KDM2B: variants seen among roughly 807,000 people sequenced by gnomAD.
KDM2B encodes the protein lysine demethylase 2B.
Under a neutral mutation model 150.0 loss-of-function variants are expected in KDM2B, and 26 were observed. The ratio of observed to expected loss-of-function variants is 0.17; its 90% confidence interval spans 0.13 to 0.24. The LOEUF (loss-of-function observed/expected upper bound fraction) is 0.24. Among genes scored for constraint, KDM2B ranks in the 10% least tolerant of loss-of-function variants. KDM2B has a pLI of 1.00. For synonymous variants in KDM2B, 734 were observed against 729.5 expected (o/e 1.01, Z -0.10); for missense variants, 1,265 against 1,816.9 (o/e 0.70, Z 5.52).
At chr12:121,498,624 C>A (rs537457745) in intron 11 of KDM2B, among the ~76,000 whole-genome samples, 1 of 152,170 alleles carries the variant, frequency 6.6e-6, no homozygotes, top group East Asian at 1.9e-4. Flanking sequence ...GAAAGTAATG[C>A]CCACCCCCCT....
chr12:121,493,327 T>G (rs1464820333), intron 12 of KDM2B, among the ~76,000 whole-genome samples: 1 of 152,034 alleles, frequency 6.6e-6, no homozygotes, highest in Admixed American at 6.6e-5. Flanking sequence ...GGTCAGCCCT[T>G]GTCTGAAGGG....
intron 13 of KDM2B, among the ~76,000 whole-genome samples, chr12:121,450,728 C>T (rs1479415567): frequency 1.3e-5 from 2 of 151,992 alleles, no homozygotes; most frequent in Non-Finnish European, 2.9e-5. Flanking sequence ...GGCGTGGTGG[C>T]GGGCACTGGT....
chr12:121,444,580 A>G, intron 14 of KDM2B, 44 bp from the exon 15 acceptor site: 1 of 1,544,374 alleles, frequency 6.5e-7, no homozygotes, highest in Non-Finnish European at 8.9e-7. Flanking sequence ...GGCGGAGAAG[A>G]TGGCCCACGG....
In KDM2B at chr12:121,516,734, T is replaced by C. The variant is rs147813492; in HGVS notation, c.1048-3332A>G. 7.6e-3 allele frequency: 4,868 copies of C among 642,500 alleles called. 43 individuals are homozygous for C. Among genetic ancestry groups the C allele is most frequent in the South Asian group, 0.014 (796 of 56,900 alleles). The allele number at this position is 642,500 out of a possible 1,614,324, so 39.8% of individuals were successfully genotyped here. On this transcript the variant is annotated intron_variant, in intron 9 of 22. Transcript: ENST00000377071. Reference sequence around the variant, plus strand: ...CCCTTCCTCGGAGGTCCAAGTCATCTTCAAGCTGAGTGACCTCAGGAGATG... The same window carrying C: ...CCCTTCCTCGGAGGTCCAAGTCATCCTCAAGCTGAGTGACCTCAGGAGATG...
chr12:121,410,051 G>A, the KDM2B span, among the ~76,000 whole-genome samples: 1 of 152,040 alleles, frequency 6.6e-6, no homozygotes, highest in Non-Finnish European at 1.5e-5. Context: ...GCTACTAGGA[G>A]GCTGAGGCAG....
intron 1 of KDM2B, chr12:121,579,739 A>C: frequency 1.5e-6 from 2 of 1,319,254 alleles, no homozygotes; most frequent in East Asian, 4.0e-5. Flanking sequence ...AGCCCCCCAG[A>C]TTCCGGGCGA....
chr12:121,462,434 A>C (rs1879237701), intron 12 of KDM2B, among the ~76,000 whole-genome samples: 1 of 152,232 alleles, frequency 6.6e-6, no homozygotes, highest in African/African-American at 2.4e-5. Context: ...TATAGGCACA[A>C]AGTAACAAAA....
intron 12 of KDM2B, among the ~76,000 whole-genome samples, chr12:121,477,931 G>A (rs1218295592): frequency 2.0e-5 from 3 of 151,018 alleles, no homozygotes; most frequent in African/African-American, 2.4e-5. Flanking sequence ...TTATGGAGAC[G>A]GGGATCTCAT....
chr12:121,500,967 G>A (rs117249900), intron 11 of KDM2B, among the ~76,000 whole-genome samples: 3,705 of 152,262 alleles, frequency 0.024, 71 homozygotes, highest in Non-Finnish European at 0.039. Flanking sequence ...CAGGCATGGC[G>A]GCACATGCCC....
intron 12 of KDM2B, among the ~76,000 whole-genome samples, chr12:121,477,583 T>A (rs1177618897): frequency 6.7e-6 from 1 of 149,770 alleles, no homozygotes; most frequent in Admixed American, 6.6e-5. Context: ...TCTTTCCTTT[T>A]TTTTTTTTTT....
At chr12:121,428,226 C>G (rs1461103662), downstream of KDM2B, among the ~76,000 whole-genome samples, 1 of 151,746 alleles carries the variant, frequency 6.6e-6, no homozygotes, top group Admixed American at 6.6e-5. Flanking sequence ...AATGCGGTCT[C>G]GCGGTCGCCA....
the KDM2B span, among the ~76,000 whole-genome samples, chr12:121,419,375 C>T: frequency 2.0e-5 from 3 of 152,186 alleles, no homozygotes; most frequent in East Asian, 1.9e-4. Flanking sequence ...TTACTCAGAA[C>T]GTCTCCTAGT....
chr12:121,580,135 G>A, intron 1 of KDM2B: 2 of 1,561,490 alleles, frequency 1.3e-6, no homozygotes, highest in Non-Finnish European at 1.7e-6. Flanking sequence ...GAAGACCAAA[G>A]AAAACAAACC....
chr12:121,550,178 C>T (rs1889375748), intron 4 of KDM2B, among the ~76,000 whole-genome samples: 1 of 152,058 alleles, frequency 6.6e-6, no homozygotes, highest in East Asian at 1.9e-4. Flanking sequence ...GGCGTGGTGG[C>T]TCACGCCTAT....
intron 4 of KDM2B, among the ~76,000 whole-genome samples, chr12:121,571,913 A>G (rs111556339): frequency 0.044 from 6,749 of 152,068 alleles, 325 homozygotes; most frequent in East Asian, 0.26. Context: ...GGCCTCCCAA[A>G]GTGCTGGGAT....
intron 12 of KDM2B, among the ~76,000 whole-genome samples, chr12:121,476,069 C>A (rs1303618130): frequency 6.6e-6 from 1 of 151,454 alleles, no homozygotes; most frequent in African/African-American, 2.4e-5. Flanking sequence ...CCAAGGCGGG[C>A]AGATCACCTG....
chr12:121,427,805 C>G (rs1301898268), downstream of KDM2B, among the ~76,000 whole-genome samples: 1 of 152,162 alleles, frequency 6.6e-6, no homozygotes, highest in Non-Finnish European at 1.5e-5. Context: ...ACCCTGAGCC[C>G]TACTTCCCTT....
chr12:121,453,619 C>T lies in KDM2B; in HGVS notation c.1735-275G>A, dbSNP rs1877712925. On this transcript the variant is annotated intron_variant, in intron 12 of 22. Coordinates refer to ENST00000377071, the MANE Select transcript of KDM2B (RefSeq NM_032590.5). The surrounding 1 kb of genome is among the most constrained non-coding windows in gnomAD (Gnocchi z 6.4). ...CAGAGACAGACACGCACGTAGAGAA[C>T]GTGTGTGAAGACACAGGCCTTCCAC... Among the ~76,000 whole-genome samples the T allele has an allele frequency of 6.6e-6, 1 of 152,114 alleles. No individual in the cohort carries two copies. Among genetic ancestry groups the T allele is most frequent in the Non-Finnish European group, 1.5e-5 (1 of 68,014 alleles).
chr12:121,535,519 C>T lies in KDM2B; in HGVS notation c.684-929G>A, dbSNP rs142407848. On this transcript the variant is annotated intron_variant, in intron 6 of 22. Coordinates refer to ENST00000377071, the MANE Select transcript of KDM2B (RefSeq NM_032590.5). ...CAAAACTCTGTGAACATACTAAAACCCGTTGAATTGTACACTTTTACATGG... is the reference window on the plus strand; with the variant it reads ...CAAAACTCTGTGAACATACTAAAACTCGTTGAATTGTACACTTTTACATGG... Among the ~76,000 whole-genome samples, 1,057 of 152,256 alleles carry T rather than the reference C, an allele frequency of 6.9e-3. 9 individuals are homozygous for T. The highest frequency in any genetic ancestry group is 0.024 in the African/African-American group (985 of 41,516).
Sources: gnomAD v4.1 joint callset for allele counts (sites outside exome capture counted in the v4.1 genomes callset) on GRCh38, gnomAD v4.1.1 for gene constraint, Gnocchi (gnomAD v3.1) non-coding constraint, MANE v1.5 for transcripts, NCBI Gene and HGNC (gene_info 2026-07-23, HGNC 2026-07-21) for gene names.